ARK2N: variants seen among roughly 807,000 people sequenced by gnomAD.
The protein encoded by ARK2N is protein ARK2N.
chr18:46,205,166 C>T, the ARK2N span, among the ~76,000 whole-genome samples: 2 of 152,170 alleles, frequency 1.3e-5, no homozygotes. Flanking sequence ...CCTCGGCCCC[C>T]CAAAGTGCTA....
At chr18:46,242,357 C>T in the ARK2N span, among the ~76,000 whole-genome samples, 1 of 152,144 alleles carries the variant, frequency 6.6e-6, no homozygotes, top group Non-Finnish European at 1.5e-5. Context: ...AAAAAATCAG[C>T]CATTTCTTAT....
At chr18:46,208,464 C>CTTTTTTTTTTT in the ARK2N span, among the ~76,000 whole-genome samples, 1 of 68,388 alleles carries the variant, frequency 1.5e-5, no homozygotes, top group African/African-American at 4.9e-5. Context: ...GTTCTTAAAT[C>CTTTTTTTTTTT]TTTTTTTTTT....
the ARK2N span, among the ~76,000 whole-genome samples, chr18:46,255,444 T>G: frequency 1.3e-4 from 14 of 107,270 alleles, no homozygotes; most frequent in African/African-American, 3.8e-4. Flanking sequence ...TCTTTTCTTT[T>G]CTTTTTTTTT....
At chr18:46,253,555 C>A in the ARK2N span, 1 of 969,920 alleles carries the variant, frequency 1.0e-6, no homozygotes, top group Non-Finnish European at 1.5e-6. Flanking sequence ...GCTTATTTGA[C>A]AGTTTTGCTG....
chr18:46,233,941 T>G, the ARK2N span, among the ~76,000 whole-genome samples: 190 of 152,314 alleles, frequency 1.2e-3, 1 homozygote, highest in African/African-American at 4.1e-3. Context: ...TTCCTTTTAC[T>G]GAAATAATTT....
the ARK2N span, chr18:46,240,219 T>C: frequency 6.2e-7 from 1 of 1,610,750 alleles, no homozygotes. Context: ...TCTCTAACGG[T>C]GTAATATGCA....
chr18:46,205,706 G>A, the ARK2N span, among the ~76,000 whole-genome samples: 2,656 of 152,202 alleles, frequency 0.017, 73 homozygotes, highest in African/African-American at 0.06. Context: ...TTTGAGACCT[G>A]TGGGTTGTTT....
At chr18:46,246,644 G>GATAAGAGCAGACCAGGCCAGGGCCT in the ARK2N span, among the ~76,000 whole-genome samples, 5 of 151,142 alleles carry the variant, frequency 3.3e-5, no homozygotes, top group Non-Finnish European at 7.4e-5. Flanking sequence ...AAGCATTACA[G>GATAAGAGCAGACCAGGCCAGGGCCT]ATAAGAGCAG....
chr18:46,258,146 G>A, the ARK2N span, among the ~76,000 whole-genome samples: 4 of 152,166 alleles, frequency 2.6e-5, no homozygotes, highest in Admixed American at 2.0e-4. Context: ...GGCTGGTCGC[G>A]AACTCCTGAG....
chr18:46,221,431 G>A, the ARK2N span, among the ~76,000 whole-genome samples: 2 of 150,600 alleles, frequency 1.3e-5, no homozygotes, highest in African/African-American at 2.4e-5. Context: ...GTGGTGGCGC[G>A]CGTCTGTAGT....
At chr18:46,202,905 G>C in the ARK2N span, among the ~76,000 whole-genome samples, 1 of 151,736 alleles carries the variant, frequency 6.6e-6, no homozygotes, top group Non-Finnish European at 1.5e-5. Flanking sequence ...GTATCTTCTA[G>C]ATATGATGGA....
the ARK2N span, among the ~76,000 whole-genome samples, chr18:46,197,676 C>G: frequency 6.6e-6 from 1 of 152,104 alleles, no homozygotes; most frequent in Non-Finnish European, 1.5e-5. Flanking sequence ...CTTACCTGCT[C>G]CTGTATATAT....
the ARK2N span, among the ~76,000 whole-genome samples, chr18:46,174,594 C>G: frequency 6.6e-6 from 1 of 152,280 alleles, no homozygotes; most frequent in African/African-American, 2.4e-5. Context: ...TCCTCCCGGC[C>G]CGGCGGAGTT....
At chr18:46,257,958 GCCCT>G in the ARK2N span, among the ~76,000 whole-genome samples, 4 of 148,992 alleles carry the variant, frequency 2.7e-5, no homozygotes, top group African/African-American at 9.9e-5. Context: ...ATGGAGTCTC[GCCCT>G]GTCCTCCAGG....
At chr18:46,207,551 G>A in the ARK2N span, among the ~76,000 whole-genome samples, 2 of 151,972 alleles carry the variant, frequency 1.3e-5, no homozygotes, top group East Asian at 1.9e-4. Flanking sequence ...CACAGTGCCC[G>A]GCTAATTTTT....
the ARK2N span, among the ~76,000 whole-genome samples, chr18:46,209,848 C>G: frequency 1.3e-5 from 2 of 152,148 alleles, no homozygotes; most frequent in African/African-American, 4.8e-5. Flanking sequence ...CCTGCCTCGG[C>G]CTCCCAAAGT....
At chr18:46,191,727 G>A in the ARK2N span, among the ~76,000 whole-genome samples, 6 of 152,112 alleles carry the variant, frequency 3.9e-5, no homozygotes, top group Non-Finnish European at 7.3e-5. Context: ...GTTGTACATT[G>A]TAGGGGTATG....
the ARK2N span, chr18:46,216,120 A>G: frequency 6.2e-7 from 1 of 1,614,096 alleles, no homozygotes; most frequent in South Asian, 1.1e-5. This position sits in a 1 kb window ranked among gnomAD's most constrained non-coding sequence, Gnocchi z 4.3. Flanking sequence ...ACAAGCCTAC[A>G]ACTGGCCGAG....
chr18:46,204,922 CTTTTT>C, the ARK2N span, among the ~76,000 whole-genome samples: 6 of 73,370 alleles, frequency 8.2e-5, no homozygotes, highest in East Asian at 1.8e-3. Context: ...CTTTTCTTTT[CTTTTT>C]TCTTTTTTTT....
Sources: allele counts gnomAD v4.1 joint callset (sites outside exome capture counted in the v4.1 genomes callset), GRCh38; gene constraint gnomAD v4.1.1; non-coding constraint Gnocchi (gnomAD v3.1); transcripts MANE v1.5; gene names NCBI Gene and HGNC (gene_info 2026-07-23, HGNC 2026-07-21).